The following PTPRD variants were observed in gnomAD, a reference collection of about 807,000 sequenced individuals.
PTPRD encodes the protein receptor-type tyrosine-protein phosphatase delta.
In PTPRD, 34 loss-of-function variants were observed where a neutral mutation model predicts 214.5. The ratio of observed to expected loss-of-function variants is 0.16; its 90% CI spans 0.12 to 0.21. The LOEUF is 0.21. PTPRD is among the 10% of genes least tolerant of loss of function. The pLI, the probability that PTPRD is intolerant of heterozygous loss-of-function variation, is 1.00. For synonymous variants in PTPRD, 1,128 were observed against 845.7 expected (o/e 1.33, Z -5.79); for missense variants, 2,545 against 2,398.7 (o/e 1.06, Z -1.27).
intron 8 of PTPRD, among the ~76,000 whole-genome samples, chr9:9,484,982 A>G (rs2095568381): frequency 6.6e-6 from 1 of 152,216 alleles, no homozygotes; most frequent in Admixed American, 6.5e-5. Context: ...AATAATTTCC[A>G]GTTTATGAAT....
At chr9:10,298,466 A>C (rs2095756044) in intron 3 of PTPRD, among the ~76,000 whole-genome samples, 1 of 152,122 alleles carries the variant, frequency 6.6e-6, no homozygotes, top group Non-Finnish European at 1.5e-5. Context: ...TTCAAAGAGA[A>C]TTCTTGCAGA....
intron 4 of PTPRD, among the ~76,000 whole-genome samples, chr9:9,973,136 G>C (rs1008565391): frequency 6.6e-6 from 1 of 151,884 alleles, no homozygotes; most frequent in Non-Finnish European, 1.5e-5. Context: ...CTCTCCAACA[G>C]GGTTAACTTT....
At chr9:8,471,206 C>T (rs1236161166) in intron 30 of PTPRD, 121 bp from the exon 31 acceptor site, 3 of 734,372 alleles carry the variant, frequency 4.1e-6, no homozygotes, top group Non-Finnish European at 7.3e-6. Context: ...GGTGACTTGT[C>T]CATTTCTTAC....
At chr9:8,357,727 A>T (rs936199233) in intron 39 of PTPRD, among the ~76,000 whole-genome samples, 2 of 152,128 alleles carry the variant, frequency 1.3e-5, no homozygotes, top group Non-Finnish European at 2.9e-5. Flanking sequence ...TCTACCTCAT[A>T]TAGGGAGGAA....
chr9:9,061,216 T>G (rs1457491947), intron 10 of PTPRD, among the ~76,000 whole-genome samples: 1 of 152,222 alleles, frequency 6.6e-6, no homozygotes, highest in African/African-American at 2.4e-5. Context: ...TAAATTTGTT[T>G]TGTGTGTTTT....
chr9:9,363,510 C>T (rs1488518857), intron 9 of PTPRD, among the ~76,000 whole-genome samples: 2 of 151,362 alleles, frequency 1.3e-5, no homozygotes, highest in Non-Finnish European at 3.0e-5. Context: ...TTATGTCGAT[C>T]ATAAATTGCT....
chr9:9,773,022 T>C (rs550906999), intron 5 of PTPRD, among the ~76,000 whole-genome samples: 4 of 152,202 alleles, frequency 2.6e-5, no homozygotes, highest in South Asian at 4.1e-4. Flanking sequence ...AGTATTCCCA[T>C]AGCACATAGG....
chr9:10,057,857 A>C (rs1201939544), intron 3 of PTPRD, among the ~76,000 whole-genome samples: 1 of 141,532 alleles, frequency 7.1e-6, no homozygotes, highest in Non-Finnish European at 1.5e-5. Context: ...AAAACAAAAA[A>C]AAAACAAAAA....
At chr9:8,702,347 G>T (rs1315976051) in intron 12 of PTPRD, among the ~76,000 whole-genome samples, 2 of 151,698 alleles carry the variant, frequency 1.3e-5, no homozygotes, top group Non-Finnish European at 2.9e-5. Flanking sequence ...TATCTTCTGT[G>T]GTCTTTTTTT....
chr9:9,308,313 C>T (rs533411705), intron 9 of PTPRD, among the ~76,000 whole-genome samples: 1 of 152,238 alleles, frequency 6.6e-6, no homozygotes, highest in East Asian at 1.9e-4. Context: ...TTAAACGGAA[C>T]ACGTGTTTGT....
chr9:9,184,988 C>T (rs1163784007), intron 9 of PTPRD, among the ~76,000 whole-genome samples: 3 of 152,022 alleles, frequency 2.0e-5, no homozygotes, highest in Non-Finnish European at 4.4e-5. Context: ...AAGTGGAACA[C>T]ATCAAAATAT....
At chr9:8,715,770 T>C (rs1334047763) in intron 12 of PTPRD, among the ~76,000 whole-genome samples, 1 of 152,254 alleles carries the variant, frequency 6.6e-6, no homozygotes, top group African/African-American at 2.4e-5. Flanking sequence ...TCATTTGATC[T>C]CTTTAATATT....
At chr9:9,121,713 G>A (rs1031399428) in intron 10 of PTPRD, among the ~76,000 whole-genome samples, 1 of 151,998 alleles carries the variant, frequency 6.6e-6, no homozygotes, top group Non-Finnish European at 1.5e-5. Flanking sequence ...CAACAGATAT[G>A]GTGCAGTGTA....
chr9:9,995,069 G>A (rs1414907645), intron 4 of PTPRD, among the ~76,000 whole-genome samples: 1 of 151,986 alleles, frequency 6.6e-6, no homozygotes, highest in African/African-American at 2.4e-5. Context: ...AGATTTTTAT[G>A]AATTAATCTA....
At chr9:9,308,067 T>A (rs1484889229) in intron 9 of PTPRD, among the ~76,000 whole-genome samples, 1 of 152,184 alleles carries the variant, frequency 6.6e-6, no homozygotes, top group Non-Finnish European at 1.5e-5. Flanking sequence ...TTTGAGCTTA[T>A]AGCCTGTGAA....
chr9:8,615,897 C>T (rs1289491256), intron 14 of PTPRD, among the ~76,000 whole-genome samples: 2 of 152,036 alleles, frequency 1.3e-5, no homozygotes, highest in Non-Finnish European at 2.9e-5. Flanking sequence ...AATGAAATAT[C>T]AATATATGTC....
chr9:9,019,321 A>AAAGAAAGAAAGAAAGG (rs1554629440), intron 10 of PTPRD, among the ~76,000 whole-genome samples: 2,173 of 87,566 alleles, frequency 0.025, 53 homozygotes, highest in Middle Eastern at 0.056. Context: ...AGAAAGAAAG[A>AAAGAAAGAAAGAAAGG]AAGAAAGAAA....
intron 11 of PTPRD, among the ~76,000 whole-genome samples, chr9:8,764,731 G>A (rs1403502213): frequency 1.3e-5 from 2 of 151,848 alleles, no homozygotes; most frequent in African/African-American, 4.8e-5. Context: ...GGAGCTGGAG[G>A]TTGCAGTGAG....
chr9:9,784,642 G>T (rs916954867), intron 5 of PTPRD, among the ~76,000 whole-genome samples: 1 of 151,806 alleles, frequency 6.6e-6, no homozygotes, highest in Non-Finnish European at 1.5e-5. Flanking sequence ...AGACCATACT[G>T]ACTCACTCAA....
Sources: gnomAD v4.1 joint callset for allele counts (sites outside exome capture counted in the v4.1 genomes callset) on GRCh38, gnomAD v4.1.1 for gene constraint, MANE v1.5 for transcripts, NCBI Gene and HGNC (gene_info 2026-07-23, HGNC 2026-07-21) for gene names.